The following HHATL variants were observed in gnomAD, a reference collection of about 807,000 sequenced individuals.
HHATL encodes hedgehog acyltransferase like, also known as protein-cysteine N-palmitoyltransferase HHAT-like protein.
Under a neutral mutation model 59.7 loss-of-function variants are expected in HHATL, and 49 were observed. The ratio of observed to expected loss-of-function variants is 0.82; its 90% confidence interval spans 0.65 to 1.04. The LOEUF (loss-of-function observed/expected upper bound fraction) is 1.04. Among genes scored for constraint, HHATL ranks in the 50% least tolerant of loss-of-function variants. The probability of loss-of-function intolerance (pLI) is 0.00; values close to 1 mark genes in which losing one functional copy is unlikely to be tolerated. For synonymous variants in HHATL, 238 were observed against 257.3 expected (o/e 0.93, Z 0.72); for missense variants, 605 against 650.8 (o/e 0.93, Z 0.77).
In HHATL at chr3:42,693,363, T is replaced by A. The variant is rs1697440497; in HGVS notation, c.1249-145A>T. On this transcript the variant is annotated intron_variant, in intron 10 of 11. Coordinates refer to ENST00000441594, the MANE Select transcript of HHATL (RefSeq NM_020707.4). The stretch of plus-strand genomic sequence containing the variant: ...GAGCCCCAGGTCAGCTCTCCCTCCT[T>A]GTTAAACATGGGGAAACAGGTCCAG... 3 of 1,037,836 alleles carry A rather than the reference T, an allele frequency of 2.9e-6. No individual in the cohort carries two copies. The South Asian group carries it at 4.7e-5, about 16-fold the overall frequency. The allele number at this position is 1,037,836 out of a possible 1,614,324, so 64.3% of individuals were successfully genotyped here.
chr3:42,700,136 CTGTG>C (rs370205414), intron 2 of HHATL, among the ~76,000 whole-genome samples: 12 of 103,834 alleles, frequency 1.2e-4, no homozygotes, highest in African/African-American at 3.9e-4. Flanking sequence ...GTCTAGGTCT[CTGTG>C]TGTGTGTGTC....
At chr3:42,697,744 G>T in intron 6 of HHATL, 65 bp from the exon 7 acceptor site, 1 of 1,531,574 alleles carries the variant, frequency 6.5e-7, no homozygotes, top group Admixed American at 1.9e-5. Context: ...GTCTGAGGGG[G>T]GCTCACCAAC....
rs141487448 is a variant in HHATL at position 42,700,664 on chromosome 3, C to T, written c.106+57G>A. 1,712 of 1,236,148 alleles carry T rather than the reference C, an allele frequency of 1.4e-3. 23 individuals carry two copies. In the African/African-American group the frequency reaches 0.023, roughly 17 times the overall value. The allele number at this position is 1,236,148 out of a possible 1,614,324, so 76.6% of individuals were successfully genotyped here. On this transcript the variant is annotated intron_variant, in intron 2 of 11. Coordinates refer to ENST00000441594, the MANE Select transcript of HHATL (RefSeq NM_020707.4). Reference sequence around the variant, plus strand: ...CTTTCTGGCTTTGCTGGTTGGAACCCTGAGGCCTCCAGGGGAAGAAGGGTC... The same window carrying T: ...CTTTCTGGCTTTGCTGGTTGGAACCTTGAGGCCTCCAGGGGAAGAAGGGTC...
chr3:42,692,994 G>A (rs1697418574), intron 11 of HHATL, 83 bp downstream of exon 11: 1 of 1,592,158 alleles, frequency 6.3e-7, no homozygotes, highest in African/African-American at 1.3e-5. Context: ...GGGTGATGAG[G>A]GAGATAGGAG....
At position 42,696,865 on chromosome 3, in the gene HHATL, A is replaced by G. The variant is rs1370868221; in HGVS notation, c.1023T>C (p.Arg341=). Reference sequence around the variant, plus strand: ...ACTTGCAAAGCCAGTCGTTGATGCCACGGTCAAAGTGCCTGTAAGAGGAAA... The same window carrying G: ...ACTTGCAAAGCCAGTCGTTGATGCCGCGGTCAAAGTGCCTGTAAGAGGAAA... ...LYVFAETHFD[R]GINDWLCKYV... The change falls in exon 9 of 12, where the codon CGT becomes CGC. Residue 341 remains arginine, a synonymous_variant. Transcript: ENST00000441594. 3.7e-6 allele frequency: 6 copies of G among 1,614,166 alleles called. No homozygotes were observed. In the East Asian group the frequency reaches 1.3e-4, roughly 36 times the overall value.
At chr3:42,693,947 C>T (rs1249008305) in intron 9 of HHATL, 129 bp from the exon 10 acceptor site, 8 of 716,030 alleles carry the variant, frequency 1.1e-5, no homozygotes, top group Middle Eastern at 8.0e-4. Context: ...CCTGACCTCA[C>T]GTAGCAGCTC....
At chr3:42,697,935 G>A (rs773672782) in intron 6 of HHATL, among the ~76,000 whole-genome samples, 6 of 152,174 alleles carry the variant, frequency 3.9e-5, no homozygotes, top group Admixed American at 1.3e-4. Context: ...TGAGAAAAGA[G>A]ACATGTCTCC....
At chr3:42,702,134 G>T (rs1223260524) in intron 1 of HHATL, among the ~76,000 whole-genome samples, 1 of 152,234 alleles carries the variant, frequency 6.6e-6, no homozygotes, top group Admixed American at 6.5e-5. Flanking sequence ...CCTGCCCACA[G>T]CAGAGGCTGC....
intron 3 of HHATL, among the ~76,000 whole-genome samples, chr3:42,699,373 C>T: frequency 6.6e-6 from 1 of 152,230 alleles, no homozygotes. Flanking sequence ...GGTCTCCACA[C>T]TCCTCTGTGA....
Position 42,700,721 on chromosome 3 carries a change from C to T in HHATL, c.106G>A (p.Asp36Asn), listed in dbSNP as rs1368664748. ...AGRGLLEASQ[D>N]GAHRKAFRES... is the part of the protein sequence containing the mutation. ...ACCTGCCCCGGGGCACAGCCATTACCTTGTGAAGCCTCAAGGAGGCCCCGG... is the reference window on the plus strand; with the variant it reads ...ACCTGCCCCGGGGCACAGCCATTACTTTGTGAAGCCTCAAGGAGGCCCCGG... The change falls in exon 2 of 12, where the codon GAT (aspartate) becomes AAT (asparagine). Residue 36 changes from aspartate to asparagine, a missense_variant and splice_region_variant. Coordinates refer to ENST00000441594, the MANE Select transcript of HHATL (RefSeq NM_020707.4). 6.2e-7 allele frequency: 1 copy of T among 1,608,334 alleles called. No homozygotes were observed. The highest frequency in any genetic ancestry group is 8.5e-7 in the Non-Finnish European group (1 of 1,175,288).
In HHATL at chr3:42,700,803, C is replaced by G; in HGVS notation, c.24G>C (p.Pro8=). The change falls in exon 2 of 12, where the codon CCG becomes CCC. Residue 8 remains proline (P), a synonymous_variant. Coordinates refer to ENST00000441594, the MANE Select transcript of HHATL (RefSeq NM_020707.4). MGIKTAL[P]AAELGLYSLV... ...GAGAGTAGAGGCCCAGCTCAGCCGCCGGCAATGCTGTCTTGATGCCCATAG... is the reference window on the plus strand; with the variant it reads ...GAGAGTAGAGGCCCAGCTCAGCCGCGGGCAATGCTGTCTTGATGCCCATAG... The G allele has an allele frequency of 1.2e-6, 2 of 1,613,842 alleles. No individual in the cohort carries two copies. Among genetic ancestry groups the G allele is most frequent in the African/African-American group, 1.3e-5 (1 of 75,022 alleles).
chr3:42,695,111 A>C (rs1342946822), intron 9 of HHATL, among the ~76,000 whole-genome samples: 1 of 151,982 alleles, frequency 6.6e-6, no homozygotes, highest in Non-Finnish European at 1.5e-5. Context: ...CCTCATTTCC[A>C]ATGGCTTTTT....
chr3:42,701,085 C>T lies in HHATL; in HGVS notation c.-13-246G>A. On this transcript the variant is annotated intron_variant, in intron 1 of 11. Transcript: ENST00000441594. This position sits in a 1 kb window ranked among gnomAD's most constrained non-coding sequence, Gnocchi z 5.1. ...CCCATCAAGGCTCTTGCCCGCAGAG[C>T]CCTCACTCGCAGCCTGCCTCCCTCA... 1 of 483,984 alleles carries T rather than the reference C, an allele frequency of 2.1e-6. No homozygotes were observed. The highest frequency in any genetic ancestry group is 3.7e-6 in the Non-Finnish European group (1 of 267,714). The allele number at this position is 483,984 out of a possible 1,614,324, so 30.0% of individuals were successfully genotyped here. A position where few individuals can be genotyped will look rare whatever the true frequency, so the allele number is the denominator to read the frequency against.
rs752601759 is a variant in HHATL at position 42,698,780 on chromosome 3, C to A, written c.411G>T (p.Gln137His). 1.2e-6 allele frequency: 2 copies of A among 1,612,560 alleles called. No homozygotes were observed. Among genetic ancestry groups the A allele is most frequent in the Non-Finnish European group, 1.7e-6 (2 of 1,179,490 alleles). ...VGLYVASLLGQPWLCLGLGLA... is the reference protein window; with the variant it reads ...VGLYVASLLGHPWLCLGLGLA... ...AGCCAAGGCCAAGACAGAGCCAGGG[C>A]TGGCCCAAAAGCGAGGCCACATAGA... Residue 137 changes from glutamine to histidine, a missense_variant, in exon 5 of 12, where the codon CAG becomes CAT. By Grantham distance (24) the Gln-to-His change is conservative. Transcript: ENST00000441594.
At chr3:42,697,709 A>G in intron 6 of HHATL, 30 bp from the exon 7 acceptor site, 1 of 1,599,502 alleles carries the variant, frequency 6.3e-7, no homozygotes. Context: ...CTGAGGGAAG[A>G]GGCAAGCCCT....
At chr3:42,698,013 G>T (rs370318720) in intron 6 of HHATL, 129 bp downstream of exon 6, 7 of 1,001,258 alleles carry the variant, frequency 7.0e-6, no homozygotes, top group Middle Eastern at 3.0e-4. Context: ...GGGGAGACAC[G>T]GCTTCATCCT....
intron 6 of HHATL, 127 bp downstream of exon 6, chr3:42,698,015 C>A: frequency 9.8e-7 from 1 of 1,025,470 alleles, no homozygotes; most frequent in Non-Finnish European, 1.5e-6. Flanking sequence ...GGAGACACGG[C>A]TTCATCCTGG....
chr3:42,693,913 G>A, intron 9 of HHATL, 95 bp from the exon 10 acceptor site: 2 of 989,252 alleles, frequency 2.0e-6, no homozygotes, highest in Non-Finnish European at 3.1e-6. Context: ...CCTCAACACT[G>A]TCACCCTGGG....
chr3:42,697,216 A>G, intron 7 of HHATL, 71 bp from the exon 8 acceptor site: 1 of 1,488,436 alleles, frequency 6.7e-7, no homozygotes, highest in Non-Finnish European at 9.0e-7. Context: ...ACCCTGTCCC[A>G]CCACTTCCTT....
Sources: gnomAD v4.1 joint callset for allele counts (sites outside exome capture counted in the v4.1 genomes callset) on GRCh38, gnomAD v4.1.1 for gene constraint, Gnocchi (gnomAD v3.1) non-coding constraint, MANE v1.5 for transcripts, NCBI Gene and HGNC (gene_info 2026-07-23, HGNC 2026-07-21) for gene names.